Variants in KIF6 observed in about 807,000 individuals in gnomAD.
KIF6 encodes kinesin family member 6, also known as kinesin-like protein KIF6.
KIF6 carries 106 observed loss-of-function variants against 112.7 expected under a neutral mutation model. That is an observed-to-expected ratio of 0.94 (90% CI 0.80 to 1.11). The LOEUF (loss-of-function observed/expected upper bound fraction) is 1.11. Ranked by LOEUF, KIF6 falls within the 50% of genes least tolerant of loss-of-function variation. The pLI is 0.00. For synonymous variants in KIF6, 339 were observed against 339.9 expected (o/e 1.00, Z 0.03); for missense variants, 929 against 964.0 (o/e 0.96, Z 0.48).
intron 4 of KIF6, among the ~76,000 whole-genome samples, chr6:39,635,412 CT>C (rs1784576360): frequency 6.6e-6 from 1 of 152,002 alleles, no homozygotes; most frequent in African/African-American, 2.4e-5. Context: ...AATCATCATT[CT>C]TTTTCTACTT....
chr6:39,570,086 T>G (rs188163939), intron 10 of KIF6, among the ~76,000 whole-genome samples: 34 of 152,358 alleles, frequency 2.2e-4, no homozygotes, highest in Non-Finnish European at 4.6e-4. Context: ...TGAAACAAAT[T>G]CTGTGTGGGT....
chr6:39,340,976 C>T (rs563217900), intron 22 of KIF6, among the ~76,000 whole-genome samples: 3 of 152,202 alleles, frequency 2.0e-5, no homozygotes, highest in South Asian at 4.1e-4. Flanking sequence ...ACACACTGTC[C>T]CCTCTACTTT....
At chr6:39,570,909 G>A (rs1451942014) in intron 10 of KIF6, among the ~76,000 whole-genome samples, 3 of 152,134 alleles carry the variant, frequency 2.0e-5, no homozygotes, top group Non-Finnish European at 2.9e-5. Flanking sequence ...CTAGCAGTAT[G>A]AATACAGACT....
At chr6:39,716,885 C>T (rs959384382) in intron 2 of KIF6, among the ~76,000 whole-genome samples, 5 of 152,150 alleles carry the variant, frequency 3.3e-5, no homozygotes, top group Non-Finnish European at 7.3e-5. Flanking sequence ...CAGTCCAAAA[C>T]CATTAGGATC....
At chr6:39,441,948 G>A (rs926643379) in intron 13 of KIF6, among the ~76,000 whole-genome samples, 5 of 152,074 alleles carry the variant, frequency 3.3e-5, no homozygotes, top group African/African-American at 1.2e-4. Flanking sequence ...GGTAGGCTTG[G>A]CAGGAGCTCT....
intron 1 of KIF6, among the ~76,000 whole-genome samples, chr6:39,721,106 C>T (rs1255574111): frequency 6.6e-6 from 1 of 152,060 alleles, no homozygotes; most frequent in Admixed American, 6.5e-5. Context: ...CATTGAGAAA[C>T]TAATAGCCTG....
intron 5 of KIF6, among the ~76,000 whole-genome samples, chr6:39,624,900 A>G (rs1022386410): frequency 1.3e-5 from 2 of 152,204 alleles, no homozygotes; most frequent in African/African-American, 4.8e-5. Context: ...GTCCCCTCCA[A>G]ATTCATATGT....
intron 19 of KIF6, chr6:39,353,806 C>G (rs536433295): frequency 5.8e-6 from 2 of 346,666 alleles, no homozygotes. Flanking sequence ...GTGCGGTGTC[C>G]GGCATGCAGC....
At chr6:39,608,328 C>T (rs1783007476) in intron 6 of KIF6, among the ~76,000 whole-genome samples, 1 of 152,172 alleles carries the variant, frequency 6.6e-6, no homozygotes, top group African/African-American at 2.4e-5. Context: ...AACATCATAC[C>T]TTAGCCTAGC....
intron 7 of KIF6, among the ~76,000 whole-genome samples, chr6:39,590,207 G>T (rs1253814158): frequency 1.3e-5 from 2 of 152,040 alleles, no homozygotes; most frequent in South Asian, 2.1e-4. Context: ...AACAGGGGCT[G>T]GGCTGACAGT....
At chr6:39,443,548 A>G (rs1772098896) in intron 13 of KIF6, among the ~76,000 whole-genome samples, 1 of 152,080 alleles carries the variant, frequency 6.6e-6, no homozygotes, top group Non-Finnish European at 1.5e-5. Context: ...GGGTCAAGCA[A>G]TTCTTGTGCC....
At chr6:39,534,989 A>G (rs1301606339) in intron 13 of KIF6, among the ~76,000 whole-genome samples, 1 of 152,224 alleles carries the variant, frequency 6.6e-6, no homozygotes, top group Non-Finnish European at 1.5e-5. Flanking sequence ...GAGAAATAAA[A>G]TACTTTACAG....
intron 4 of KIF6, among the ~76,000 whole-genome samples, chr6:39,638,320 T>C (rs368844050): frequency 1.3e-5 from 2 of 152,084 alleles, no homozygotes; most frequent in Non-Finnish European, 2.9e-5. Context: ...GCAGTACACT[T>C]TCTCAGAACC....
chr6:39,453,477 C>T (rs1772835908), intron 13 of KIF6, among the ~76,000 whole-genome samples: 1 of 152,154 alleles, frequency 6.6e-6, no homozygotes, highest in Admixed American at 6.5e-5. Flanking sequence ...GACAAATTGT[C>T]TGACTTCCAA....
At chr6:39,389,867 C>T (rs1434043950) in intron 15 of KIF6, among the ~76,000 whole-genome samples, 1 of 151,916 alleles carries the variant, frequency 6.6e-6, no homozygotes, top group Non-Finnish European at 1.5e-5. Flanking sequence ...TCCATCTCTA[C>T]TAAAAATACA....
At position 39,486,643 on chromosome 6, in the gene KIF6, C is replaced by T. The variant is rs115204549; in HGVS notation, c.1645+53360G>A. Among the ~76,000 whole-genome samples the T allele has an allele frequency of 5.0e-3, 761 of 152,254 alleles. 3 individuals are homozygous for T. The highest frequency in any genetic ancestry group is 0.018 in the African/African-American group (730 of 41,550). ...GATGCACAGAAAGAAATACATTTGC[C>T]GCAAACTCTACATATGTACATACTA... On this transcript the variant is annotated intron_variant, in intron 13 of 22. Transcript: ENST00000287152.
intron 16 of KIF6, among the ~76,000 whole-genome samples, chr6:39,362,947 G>A (rs1231804057): frequency 6.6e-6 from 1 of 152,124 alleles, no homozygotes; most frequent in Non-Finnish European, 1.5e-5. Flanking sequence ...TTAGGAGTTC[G>A]AGACTGGCCT....
In KIF6 at chr6:39,622,585, T is replaced by C. The variant is rs149994959; in HGVS notation, c.510-9267A>G. Among the ~76,000 whole-genome samples, 658 of 152,306 alleles carry C rather than the reference T, an allele frequency of 4.3e-3. 5 individuals carry two copies. Among genetic ancestry groups the C allele is most frequent in the African/African-American group, 0.015 (607 of 41,566 alleles). Reference sequence around the variant, plus strand: ...TGGCTCATGATGCAGTTTGCCTGTATGGGATCTGTCCTCCCCTTCTCCCTA... The same window carrying C: ...TGGCTCATGATGCAGTTTGCCTGTACGGGATCTGTCCTCCCCTTCTCCCTA... On this transcript the variant is annotated intron_variant, in intron 5 of 22. Transcript: ENST00000287152.
intron 6 of KIF6, among the ~76,000 whole-genome samples, chr6:39,610,251 G>A (rs2499454): frequency 0.027 from 4,086 of 152,104 alleles, 162 homozygotes; most frequent in African/African-American, 0.088. Flanking sequence ...TTTATCCTAG[G>A]GACATAATCA....
Sources: gnomAD v4.1 joint callset for allele counts (sites outside exome capture counted in the v4.1 genomes callset) on GRCh38, gnomAD v4.1.1 for gene constraint, MANE v1.5 for transcripts, NCBI Gene and HGNC (gene_info 2026-07-23, HGNC 2026-07-21) for gene names.